The following EXD3 variants were observed in gnomAD, a reference collection of about 807,000 sequenced individuals.
EXD3 encodes the protein exonuclease 3'-5' domain containing 3, also known as exonuclease mut-7 homolog.
EXD3 carries 92 observed loss-of-function variants against 98.0 expected under a neutral mutation model. The observed-to-expected ratio is 0.94, with a 90% CI of 0.79 to 1.12. The LOEUF (loss-of-function observed/expected upper bound fraction) is 1.12, where lower values mean the gene tolerates loss of function less well. EXD3 is among the 50% of genes most tolerant of loss of function. The pLI is 0.00. For synonymous variants in EXD3, 569 were observed against 526.0 expected (o/e 1.08, Z -1.12); for missense variants, 1,222 against 1,191.6 (o/e 1.03, Z -0.38).
At chr9:137,331,286 G>A (rs1333439488) in intron 17 of EXD3, among the ~76,000 whole-genome samples, 7 of 151,946 alleles carry the variant, frequency 4.6e-5, no homozygotes, top group South Asian at 2.1e-4. Flanking sequence ...TGACAAACCC[G>A]CAGCCAACAT....
intron 1 of EXD3, among the ~76,000 whole-genome samples, chr9:137,406,933 C>T (rs981790238): frequency 3.3e-5 from 5 of 152,138 alleles, no homozygotes; most frequent in African/African-American, 9.7e-5. Context: ...CCAGCCAGGC[C>T]GTCAGGCTCC....
chr9:137,367,972 C>A lies in EXD3; in HGVS notation c.480G>T (p.Ala160=). Residue 160 remains alanine, a synonymous_variant, in exon 6 of 22, where the codon GCG becomes GCT. Coordinates refer to ENST00000340951, the MANE Select transcript of EXD3 (RefSeq NM_017820.5). ...CAAGCTCCGACTGCAGCTTCAACGT[C>A]GCGCCCAGCGTGGCTGCCTGGCAAA... ...GRFREAATLG[A]TLKLQSELGV... 1 of 1,611,184 alleles carries A rather than the reference C, an allele frequency of 6.2e-7. No individual in the cohort carries two copies. The highest frequency in any genetic ancestry group is 8.5e-7 in the Non-Finnish European group (1 of 1,179,608).
Position 137,354,829 on chromosome 9 carries a change from C to A in EXD3, c.758-56G>T, listed in dbSNP as rs1186862543. ...GCTCAGGGCAGCCTCACCACGGCCTCCTTCTGGGGCGGGCTGGAGACGGGC... is the reference window on the plus strand; with the variant it reads ...GCTCAGGGCAGCCTCACCACGGCCTACTTCTGGGGCGGGCTGGAGACGGGC... On this transcript the variant is annotated intron_variant, in intron 8 of 21. Transcript: ENST00000340951. 11 of 1,543,096 alleles carry A rather than the reference C, an allele frequency of 7.1e-6. No individual in the cohort carries two copies. In the Admixed American group the frequency reaches 9.2e-5, roughly 13 times the overall value.
chr9:137,318,226 CCT>C (rs928246318), intron 19 of EXD3, among the ~76,000 whole-genome samples: 3 of 152,132 alleles, frequency 2.0e-5, no homozygotes, highest in South Asian at 2.1e-4. Context: ...CTCTTGGACC[CCT>C]GTCTGCTGGG....
In EXD3 at chr9:137,328,601, A is replaced by ACTACACGGGG. The variant is rs199541763; in HGVS notation, c.1999-4468_1999-4459dup. Among the ~76,000 whole-genome samples the ACTACACGGGG allele has an allele frequency of 1.8e-4, 4 of 22,750 alleles. 2 individuals are homozygous for ACTACACGGGG. The highest frequency in any genetic ancestry group is 5.8e-4 in the African/African-American group (4 of 6,936). 14.9% of individuals were successfully genotyped at this position (22,750 alleles called of 152,430 possible). A position where few individuals can be genotyped will look rare whatever the true frequency, so the allele number is the denominator to read the frequency against. ...CAGGAGCTACACGGGACTACACGGG[A>ACTACACGGGG]CTACACGGGGCTACACGGGACTACA... On this transcript the variant is annotated intron_variant, in intron 17 of 21. Coordinates refer to ENST00000340951, the MANE Select transcript of EXD3 (RefSeq NM_017820.5).
chr9:137,306,998 G>C lies in EXD3; in HGVS notation c.2583C>G (p.Ser861Arg). The change falls in exon 22 of 22, where the codon AGC (serine) becomes AGG (arginine). Residue 861 changes from serine to arginine, a missense_variant. By Grantham distance (110) the Ser-to-Arg change is moderately radical (BLOSUM62 -1). Transcript: ENST00000340951. Reference sequence around the variant, plus strand: ...TGGGGGCTGGGCTCGGCTCGCAGGGGCTGGGGGCGCTCTCCAGCATGTCTC... The same window carrying C: ...TGGGGGCTGGGCTCGGCTCGCAGGGCCTGGGGGCGCTCTCCAGCATGTCTC... ...HFRDMLESAP[S>R]PCEPSPAPSP... 1.2e-6 allele frequency: 2 copies of C among 1,610,162 alleles called. No homozygotes were observed. The highest frequency in any genetic ancestry group is 1.7e-6 in the Non-Finnish European group (2 of 1,178,388).
chr9:137,340,124 A>C (rs1833568448), intron 17 of EXD3, among the ~76,000 whole-genome samples: 2 of 152,232 alleles, frequency 1.3e-5, no homozygotes, highest in Non-Finnish European at 2.9e-5. Flanking sequence ...ACAAAAATCT[A>C]AAGTTCCTGG....
chr9:137,335,803 G>A (rs1833325859), intron 17 of EXD3, among the ~76,000 whole-genome samples: 1 of 152,064 alleles, frequency 6.6e-6, no homozygotes, highest in African/African-American at 2.4e-5. Flanking sequence ...TCTACCCAAA[G>A]GAAAAGAAGT....
intron 17 of EXD3, among the ~76,000 whole-genome samples, chr9:137,329,646 A>T (rs866985688): frequency 1.5e-4 from 1 of 6,804 alleles, no homozygotes; most frequent in Non-Finnish European, 2.5e-4. Context: ...ACTACACGGG[A>T]CTACACGGGG....
intron 1 of EXD3, among the ~76,000 whole-genome samples, chr9:137,406,904 G>A (rs1475241233): frequency 1.3e-5 from 2 of 152,072 alleles, no homozygotes; most frequent in Non-Finnish European, 2.9e-5. Flanking sequence ...GCGCGCTGCG[G>A]GGACCCGACG....
chr9:137,328,109 T>A (rs80257935), intron 17 of EXD3, among the ~76,000 whole-genome samples: 5 of 49,458 alleles, frequency 1.0e-4, no homozygotes, highest in African/African-American at 2.9e-4. Context: ...ACAACTAATA[T>A]ACACCCATAT....
chr9:137,329,209 T>G (rs111216767), intron 17 of EXD3, among the ~76,000 whole-genome samples: 644 of 13,120 alleles, frequency 0.049, 184 homozygotes, highest in Middle Eastern at 0.2. Flanking sequence ...TACACGGGGC[T>G]ACACGGGACG....
chr9:137,410,846 G>T (rs943103990), intron 1 of EXD3, among the ~76,000 whole-genome samples: 1 of 152,176 alleles, frequency 6.6e-6, no homozygotes, highest in Non-Finnish European at 1.5e-5. Context: ...GACCCCCAGG[G>T]CCTGAGTGAG....
chr9:137,409,354 C>T lies in EXD3; in HGVS notation c.-48+13760G>A, dbSNP rs576811879. The stretch of plus-strand genomic sequence containing the variant: ...TGCTCCCCTCACCCTTAGACTTAGC[C>T]TCCAGAGCTGTAAGAAATAAATTCC... On this transcript the variant is annotated intron_variant, in intron 1 of 21. Coordinates refer to ENST00000340951, the MANE Select transcript of EXD3 (RefSeq NM_017820.5). 1.0e-3 allele frequency among the ~76,000 whole-genome samples: 152 copies of T among 152,360 alleles called. 1 individual carries two copies. Among genetic ancestry groups the T allele is most frequent in the African/African-American group, 3.4e-3 (141 of 41,586 alleles).
At chr9:137,334,426 C>T (rs535948914) in intron 17 of EXD3, among the ~76,000 whole-genome samples, 1 of 152,124 alleles carries the variant, frequency 6.6e-6, no homozygotes, top group African/African-American at 2.4e-5. Flanking sequence ...AGAAATAAAG[C>T]CAAATACTTA....
At chr9:137,336,347 C>A (rs1016620291) in intron 17 of EXD3, among the ~76,000 whole-genome samples, 1 of 152,118 alleles carries the variant, frequency 6.6e-6, no homozygotes, top group South Asian at 2.1e-4. Context: ...CTTTAGATAT[C>A]GTTAACTCAA....
In EXD3 at chr9:137,387,278, C is replaced by T. The variant is rs1387545080; in HGVS notation, c.56-3901G>A. Among the ~76,000 whole-genome samples, 3 of 152,250 alleles carry T rather than the reference C, an allele frequency of 2.0e-5. No individual in the cohort carries two copies. The South Asian group carries it at 6.2e-4, about 32-fold the overall frequency. On this transcript the variant is annotated intron_variant, in intron 2 of 21. Transcript: ENST00000340951. ...CTCCTTCCAGGCCATGGCCGGTGCA[C>T]GATGGACACTCCACGGTGCCCGCCC... is the stretch of plus-strand genomic sequence containing the variant.
At chr9:137,346,238 C>CA (rs563761495) in intron 17 of EXD3, among the ~76,000 whole-genome samples, 1,800 of 13,512 alleles carry the variant, frequency 0.13, 379 homozygotes, top group Non-Finnish European at 0.17. Flanking sequence ...GACTCCGTCT[C>CA]AAAAAAAAAA....
At chr9:137,355,184 A>T in intron 8 of EXD3, among the ~76,000 whole-genome samples, 1 of 152,004 alleles carries the variant, frequency 6.6e-6, no homozygotes, top group Admixed American at 6.6e-5. Context: ...GGACTGAGGC[A>T]CACGCACGTC....
Sources: allele counts gnomAD v4.1 joint callset (sites outside exome capture counted in the v4.1 genomes callset), GRCh38; gene constraint gnomAD v4.1.1; transcripts MANE v1.5; gene names NCBI Gene and HGNC (gene_info 2026-07-23, HGNC 2026-07-21).